SNX9: variants seen among roughly 807,000 people sequenced by gnomAD.
The protein encoded by SNX9 is sorting nexin 9, also known as sorting nexin-9.
Under a neutral mutation model 89.4 loss-of-function variants are expected in SNX9, and 44 were observed. The observed-to-expected ratio is 0.49, with a 90% CI of 0.39 to 0.63. The LOEUF (loss-of-function observed/expected upper bound fraction) is 0.63. Ranked by LOEUF, SNX9 falls within the 30% of genes least tolerant of loss-of-function variation. SNX9 has a pLI of 0.00. For missense variants in SNX9, 578 were observed against 736.1 expected, an observed-to-expected ratio of 0.79 and a Z score of 2.49; for synonymous variants, 236 against 247.8, an observed-to-expected ratio of 0.95 and a Z score of 0.45.
chr6:157,917,862 C>G (rs771876071), intron 9 of SNX9, among the ~76,000 whole-genome samples: 1 of 152,022 alleles, frequency 6.6e-6, no homozygotes, highest in Non-Finnish European at 1.5e-5. Flanking sequence ...TTGGTTGAAT[C>G]CATGGGTGCA....
chr6:157,851,140 C>T (rs1781901848), intron 1 of SNX9, among the ~76,000 whole-genome samples: 1 of 151,774 alleles, frequency 6.6e-6, no homozygotes, highest in Non-Finnish European at 1.5e-5. Context: ...TGCCTGTAAT[C>T]CCAGCTGCTC....
chr6:157,911,188 A>C (rs887769267), intron 9 of SNX9, among the ~76,000 whole-genome samples: 19 of 152,220 alleles, frequency 1.2e-4, no homozygotes, highest in African/African-American at 7.2e-5. Flanking sequence ...GTTTTAGTAT[A>C]TTGCTAGAAA....
At chr6:157,854,994 A>G (rs1430721727) in intron 1 of SNX9, among the ~76,000 whole-genome samples, 1 of 151,284 alleles carries the variant, frequency 6.6e-6, no homozygotes, top group African/African-American at 2.4e-5. Flanking sequence ...AAAAGGGCAA[A>G]AAAACCCCAC....
chr6:157,902,854 G>C (rs1428637399), intron 6 of SNX9, among the ~76,000 whole-genome samples: 3 of 151,888 alleles, frequency 2.0e-5, no homozygotes, highest in Admixed American at 6.6e-5. Context: ...TTTTAGTAGA[G>C]ACGAGGTTTT....
chr6:157,864,448 C>T (rs374309863), intron 1 of SNX9, among the ~76,000 whole-genome samples: 3 of 152,254 alleles, frequency 2.0e-5, no homozygotes, highest in African/African-American at 7.2e-5. Flanking sequence ...CCATTTCTTT[C>T]TTTCTCACTT....
Position 157,823,418 on chromosome 6 carries a change from C to T in SNX9, c.-17C>T. ...GGGAGACGAGCCGGCCGTCCCGGGC[C>T]GGGGGACCCGCCCGCCATGGCCACC... On this transcript the variant is annotated 5_prime_UTR_variant, in exon 1 of 18. Transcript: ENST00000392185. This position sits in a 1 kb window ranked among gnomAD's most constrained non-coding sequence, Gnocchi z 4.6. 1 of 1,248,552 alleles carries T rather than the reference C, an allele frequency of 8.0e-7. No homozygotes were observed. The highest frequency in any genetic ancestry group is 1.6e-5 in the African/African-American group (1 of 62,538). 77.3% of individuals were successfully genotyped at this position (1,248,552 alleles called of 1,614,324 possible). A position where few individuals can be genotyped will look rare whatever the true frequency, so the allele number is the denominator to read the frequency against.
At chr6:157,894,755 T>C (rs541390432) in intron 4 of SNX9, among the ~76,000 whole-genome samples, 9 of 152,378 alleles carry the variant, frequency 5.9e-5, no homozygotes, top group African/African-American at 1.4e-4. Context: ...GGGAATGTTA[T>C]TGCATTCTCT....
chr6:157,919,534 C>T (rs1406707462), intron 9 of SNX9, among the ~76,000 whole-genome samples: 17 of 152,148 alleles, frequency 1.1e-4, no homozygotes, highest in Non-Finnish European at 1.5e-5. Context: ...ATACTTTCAA[C>T]TCCAGAATTT....
chr6:157,832,497 G>GAC (rs776151268), intron 1 of SNX9, among the ~76,000 whole-genome samples: 24 of 152,196 alleles, frequency 1.6e-4, no homozygotes, highest in Non-Finnish European at 2.6e-4. Flanking sequence ...GTCTTGAAAT[G>GAC]TCTGTGTATT....
At position 157,887,495 on chromosome 6, in the gene SNX9, C is replaced by G. The variant is rs576374306; in HGVS notation, c.301-9332C>G. Among the ~76,000 whole-genome samples the G allele has an allele frequency of 2.6e-5, 4 of 152,290 alleles. No homozygotes were observed. The South Asian group carries it at 8.3e-4, about 32-fold the overall frequency. On this transcript the variant is annotated intron_variant, in intron 4 of 17. Transcript: ENST00000392185. ...TGTCTTCCCCAGACTCTGTATCCTCCCACCACAGAGACCGCCGAGCTTTGT... is the reference window on the plus strand; with the variant it reads ...TGTCTTCCCCAGACTCTGTATCCTCGCACCACAGAGACCGCCGAGCTTTGT...
Position 157,944,560 on chromosome 6 carries a change from TTTG to T in SNX9, c.*1734_*1736del, listed in dbSNP as rs1004323531. Reference sequence around the variant, plus strand: ...CACTTTTTGGACTTTGTGTGTGATTTTTGTTGTTGTTGTTAAGTACTTTTTATT... The same window carrying T: ...CACTTTTTGGACTTTGTGTGTGATTTTTGTTGTTGTTAAGTACTTTTTATT... On this transcript the variant is annotated 3_prime_UTR_variant, in exon 18 of 18. Transcript: ENST00000392185. 2.0e-5 allele frequency: 3 copies of T among 152,466 alleles called. No individual in the cohort carries two copies. Among genetic ancestry groups the T allele is most frequent in the Non-Finnish European group, 2.9e-5 (2 of 68,036 alleles). 9.4% of individuals were successfully genotyped at this position (152,466 alleles called of 1,614,324 possible). A position where few individuals can be genotyped will look rare whatever the true frequency, so the allele number is the denominator to read the frequency against.
chr6:157,828,429 G>T (rs774070487), intron 1 of SNX9, among the ~76,000 whole-genome samples: 44 of 152,128 alleles, frequency 2.9e-4, no homozygotes, highest in Admixed American at 6.6e-5. Context: ...TTTCTGGAAT[G>T]CTGTTCTCCC....
chr6:157,858,189 C>T (rs952564009), intron 1 of SNX9, among the ~76,000 whole-genome samples: 1 of 151,946 alleles, frequency 6.6e-6, no homozygotes, highest in African/African-American at 2.4e-5. Context: ...CATATGCTAT[C>T]GTTCTGTTGG....
chr6:157,931,201 C>CTCTAGCACA (rs1194284161), intron 12 of SNX9, among the ~76,000 whole-genome samples: 23 of 152,280 alleles, frequency 1.5e-4, no homozygotes, highest in Middle Eastern at 3.4e-3. Context: ...GCATGGTGAA[C>CTCTAGCACA]CACATGCCAG....
chr6:157,921,524 C>T lies in SNX9; in HGVS notation c.950-7C>T, dbSNP rs758609126. 1.9e-6 allele frequency: 3 copies of T among 1,612,420 alleles called. No individual in the cohort carries two copies. The highest frequency in any genetic ancestry group is 4.5e-5 in the East Asian group (2 of 44,838). On this transcript the variant is annotated splice_polypyrimidine_tract_variant and splice_region_variant and intron_variant, in intron 9 of 17. Coordinates refer to ENST00000392185, the MANE Select transcript of SNX9 (RefSeq NM_016224.5). Reference sequence around the variant, plus strand: ...GTTGTATGTCATTCTTGGTGTGTCGCTTGCAGGCCGCTTTGAAGAGGAATT... The same window carrying T: ...GTTGTATGTCATTCTTGGTGTGTCGTTTGCAGGCCGCTTTGAAGAGGAATT...
chr6:157,832,640 A>G (rs1368068978), intron 1 of SNX9, among the ~76,000 whole-genome samples: 2 of 152,240 alleles, frequency 1.3e-5, no homozygotes, highest in Non-Finnish European at 2.9e-5. Context: ...TGGAAGGGGA[A>G]GCAAACATGT....
chr6:157,849,312 G>A (rs1781863375), intron 1 of SNX9, among the ~76,000 whole-genome samples: 1 of 152,216 alleles, frequency 6.6e-6, no homozygotes, highest in Non-Finnish European at 1.5e-5. Flanking sequence ...GATAGATGAG[G>A]ATACATGGTC....
At chr6:157,937,358 T>C in intron 14 of SNX9, 76 bp from the exon 15 acceptor site, 1 of 987,826 alleles carries the variant, frequency 1.0e-6, no homozygotes, top group Non-Finnish European at 1.6e-6. Flanking sequence ...TTTATAGTCT[T>C]TGGGTATAAT....
chr6:157,926,422 T>C (rs1359566679), intron 10 of SNX9, among the ~76,000 whole-genome samples: 4 of 152,210 alleles, frequency 2.6e-5, no homozygotes, highest in Non-Finnish European at 4.4e-5. Flanking sequence ...TTCTGTCTTA[T>C]ATTTTAGAAA....
Sources: allele counts gnomAD v4.1 joint callset (sites outside exome capture counted in the v4.1 genomes callset), GRCh38; gene constraint gnomAD v4.1.1; non-coding constraint Gnocchi (gnomAD v3.1); transcripts MANE v1.5; gene names NCBI Gene and HGNC (gene_info 2026-07-23, HGNC 2026-07-21).